The following NYAP2 variants were observed in gnomAD, a reference collection of about 807,000 sequenced individuals.
The protein encoded by NYAP2 is neuronal tyrosine-phosphorylated phosphoinositide-3-kinase adapter 2.
A neutral mutation model predicts 50.4 loss-of-function variants in NYAP2; 23 were observed. The ratio of observed to expected loss-of-function variants is 0.46; its 90% CI spans 0.33 to 0.65. The LOEUF (loss-of-function observed/expected upper bound fraction) is 0.65, where lower values mean the gene tolerates loss of function less well. NYAP2 is among the 30% of genes least tolerant of loss of function. NYAP2 has a pLI of 0.02. For synonymous variants in NYAP2, 394 were observed against 365.2 expected (o/e 1.08, Z -0.90); for missense variants, 885 against 861.0 (o/e 1.03, Z -0.35).
At chr2:225,682,114 C>A in the NYAP2 span, among the ~76,000 whole-genome samples, 1 of 152,086 alleles carries the variant, frequency 6.6e-6, no homozygotes, top group Non-Finnish European at 1.5e-5. Flanking sequence ...TTGAACATGC[C>A]TTCTGTAGCC....
chr2:225,440,780 T>C (rs1689456895), intron 3 of NYAP2, among the ~76,000 whole-genome samples: 1 of 152,190 alleles, frequency 6.6e-6, no homozygotes, highest in Non-Finnish European at 1.5e-5. Flanking sequence ...TAACTTCTGG[T>C]TTGTCAAAAG....
chr2:225,626,989 G>T, exon 6 of NYAP2: 1 of 1,587,996 alleles, frequency 6.3e-7, no homozygotes, highest in East Asian at 2.3e-5. Flanking sequence ...AAGGAAAGAG[G>T]CCACCATGGG....
At position 225,582,569 on chromosome 2, in the gene NYAP2, G is replaced by A. The variant is rs767320947; in HGVS notation, c.1152G>A (p.Pro384=). Residue 384 remains proline (P), a synonymous_variant, in exon 5 of 7, where the codon CCG becomes CCA. Transcript: ENST00000636099. The surrounding 1 kb of genome is among the most constrained non-coding windows in gnomAD (Gnocchi z 7.0). ...CCGGGGCGTCGCCCTCCACGCTGCC[G>A]TCCCACGTCCCCGGCCATGCGAAAC... 6 of 1,589,882 alleles carry A rather than the reference G, an allele frequency of 3.8e-6. No individual in the cohort carries two copies. Among genetic ancestry groups the A allele is most frequent in the African/African-American group, 2.7e-5 (2 of 73,898 alleles).
chr2:225,398,769 C>T (rs1182398456), upstream of NYAP2, among the ~76,000 whole-genome samples: 1 of 151,968 alleles, frequency 6.6e-6, no homozygotes, highest in African/African-American at 2.4e-5. Flanking sequence ...TAAAATTAAA[C>T]AGATGTCCTG....
intron 4 of NYAP2, among the ~76,000 whole-genome samples, chr2:225,549,034 C>G (rs889191448): frequency 1.1e-4 from 16 of 152,080 alleles, no homozygotes; most frequent in Admixed American, 6.6e-5. Flanking sequence ...GCATGCACTA[C>G]CACAGTGGCT....
chr2:225,484,460 A>G (rs1690256595), intron 3 of NYAP2, among the ~76,000 whole-genome samples: 1 of 152,240 alleles, frequency 6.6e-6, no homozygotes. Flanking sequence ...ATTTCATTTA[A>G]TAATCTCTAT....
At chr2:225,425,261 A>G (rs1695270111) in intron 3 of NYAP2, among the ~76,000 whole-genome samples, 1 of 152,150 alleles carries the variant, frequency 6.6e-6, no homozygotes, top group Non-Finnish European at 1.5e-5. Context: ...TTCGTTTTAA[A>G]CTAGTCAGCT....
At chr2:225,529,856 T>C (rs1375674270) in intron 4 of NYAP2, among the ~76,000 whole-genome samples, 2 of 152,124 alleles carry the variant, frequency 1.3e-5, no homozygotes, top group East Asian at 3.9e-4. Context: ...TACAGGTGCC[T>C]GCCACCACAC....
chr2:225,601,307 G>A (rs1325892919), intron 5 of NYAP2, among the ~76,000 whole-genome samples: 1 of 151,876 alleles, frequency 6.6e-6, no homozygotes, highest in Non-Finnish European at 1.5e-5. Flanking sequence ...TTTTAGTAGA[G>A]ACGGGGTTTC....
chr2:225,517,168 C>T (rs1370518304), intron 4 of NYAP2, among the ~76,000 whole-genome samples: 2 of 152,120 alleles, frequency 1.3e-5, no homozygotes, highest in Admixed American at 6.5e-5. Flanking sequence ...TTCAGATTAT[C>T]TACAACAGAA....
At chr2:225,616,452 T>C (rs892887318) in intron 5 of NYAP2, among the ~76,000 whole-genome samples, 1 of 152,194 alleles carries the variant, frequency 6.6e-6, no homozygotes, top group African/African-American at 2.4e-5. Flanking sequence ...CCTGGGCTTG[T>C]AGGTAAACTT....
At chr2:225,607,666 T>C (rs1692811668) in intron 5 of NYAP2, among the ~76,000 whole-genome samples, 1 of 146,430 alleles carries the variant, frequency 6.8e-6, no homozygotes, top group Non-Finnish European at 1.5e-5. Context: ...TGTAGAATTC[T>C]ATTTTTCCCT....
chr2:225,572,401 A>G (rs537747512), intron 4 of NYAP2, among the ~76,000 whole-genome samples: 2 of 152,364 alleles, frequency 1.3e-5, no homozygotes, highest in Non-Finnish European at 2.9e-5. Flanking sequence ...GGGAGGCCTC[A>G]GGAAACTTAC....
At chr2:225,426,532 C>T (rs141098124) in intron 3 of NYAP2, among the ~76,000 whole-genome samples, 1 of 152,190 alleles carries the variant, frequency 6.6e-6, no homozygotes, top group Non-Finnish European at 1.5e-5. Flanking sequence ...TGATTGATAT[C>T]CTGAGATTTT....
chr2:225,448,327 C>T (rs905898795), intron 3 of NYAP2, among the ~76,000 whole-genome samples: 1 of 152,122 alleles, frequency 6.6e-6, no homozygotes, highest in African/African-American at 2.4e-5. Context: ...TGTGTAGCTT[C>T]ACACTTGAAA....
At chr2:225,697,768 T>C in the NYAP2 span, among the ~76,000 whole-genome samples, 3 of 151,996 alleles carry the variant, frequency 2.0e-5, no homozygotes, top group East Asian at 3.9e-4. Flanking sequence ...TTGAAAAATA[T>C]TCATGCCCAA....
chr2:225,654,184 A>C (rs990853706), downstream of NYAP2, among the ~76,000 whole-genome samples: 4 of 152,166 alleles, frequency 2.6e-5, no homozygotes, highest in African/African-American at 9.7e-5. Flanking sequence ...AAAACATGTA[A>C]AACTGTTGAA....
intron 3 of NYAP2, among the ~76,000 whole-genome samples, chr2:225,461,141 C>T (rs1689823843): frequency 6.6e-6 from 1 of 152,098 alleles, no homozygotes; most frequent in Admixed American, 6.6e-5. Context: ...AATGATGGCT[C>T]CCTCTAAATA....
At chr2:225,607,300 A>G (rs1420053155) in intron 5 of NYAP2, among the ~76,000 whole-genome samples, 2 of 152,056 alleles carry the variant, frequency 1.3e-5, no homozygotes, top group African/African-American at 2.4e-5. Flanking sequence ...TGGCAAAACC[A>G]TTACCAGGGT....
Sources: gnomAD v4.1 joint callset for allele counts (sites outside exome capture counted in the v4.1 genomes callset) on GRCh38, gnomAD v4.1.1 for gene constraint, Gnocchi (gnomAD v3.1) non-coding constraint, MANE v1.5 for transcripts, NCBI Gene and HGNC (gene_info 2026-07-23, HGNC 2026-07-21) for gene names.